DTNA: variants seen among roughly 807,000 people sequenced by gnomAD.
DTNA encodes dystrophin-related protein 3.
Under a neutral mutation model 100.7 loss-of-function variants are expected in DTNA, and 43 were observed. The observed-to-expected ratio is 0.43, with a 90% confidence interval of 0.33 to 0.55. DTNA has a LOEUF of 0.55. Ranked by LOEUF, DTNA falls within the 20% of genes least tolerant of loss-of-function variation. The probability of loss-of-function intolerance (pLI) is 0.04; values close to 1 mark genes in which losing one functional copy is unlikely to be tolerated. For missense variants in DTNA, 798 were observed against 953.9 expected (o/e 0.84, Z 2.15); for synonymous variants, 349 against 347.9 (o/e 1.00, Z -0.04).
chr18:34,606,141 AAAATACTGAGT>A (rs2053047397), intron 1 of DTNA, among the ~76,000 whole-genome samples: 1 of 152,158 alleles, frequency 6.6e-6, no homozygotes, highest in Non-Finnish European at 1.5e-5. Context: ...GTGGAGGGGA[AAAATACTGAGT>A]AAATAACTGG....
At chr18:34,835,807 C>T (rs560482387) in intron 11 of DTNA, among the ~76,000 whole-genome samples, 8 of 152,332 alleles carry the variant, frequency 5.3e-5, no homozygotes, top group African/African-American at 1.4e-4. Flanking sequence ...TGTTTCTTTT[C>T]TCTACTGATT....
intron 15 of DTNA, among the ~76,000 whole-genome samples, chr18:34,857,305 T>A (rs951535131): frequency 6.6e-6 from 1 of 152,202 alleles, no homozygotes; most frequent in Non-Finnish European, 1.5e-5. Context: ...CAGGCAGTTT[T>A]AAATCAGCCC....
At chr18:34,609,601 T>G (rs1307280833) in intron 1 of DTNA, among the ~76,000 whole-genome samples, 1 of 152,204 alleles carries the variant, frequency 6.6e-6, no homozygotes, top group Non-Finnish European at 1.5e-5. Flanking sequence ...GATCCAGTTT[T>G]GGGTGCCTGA....
intron 1 of DTNA, among the ~76,000 whole-genome samples, chr18:34,661,718 C>T (rs1374663428): frequency 2.6e-5 from 4 of 152,052 alleles, no homozygotes; most frequent in Non-Finnish European, 5.9e-5. Context: ...TCCACTGTTC[C>T]CACCCTCTTT....
chr18:34,596,611 C>A (rs2147063850), intron 1 of DTNA, among the ~76,000 whole-genome samples: 1 of 152,322 alleles, frequency 6.6e-6, no homozygotes, highest in East Asian at 1.9e-4. Flanking sequence ...CAGATTCTCT[C>A]ATTACTGTTA....
rs114631141 is a variant in DTNA, at chr18:34,890,257, A to G, written c.*2523A>G. 2,168 of 1,520,562 alleles carry G rather than the reference A, an allele frequency of 1.4e-3. 23 individuals are homozygous for G. In the African/African-American group the frequency reaches 0.025, roughly 17 times the overall value. 94.2% of individuals were successfully genotyped at this position (1,520,562 alleles called of 1,614,324 possible). ...GCAAGGACTCTGGAAACTGCCGCCA[A>G]TGACCAATTTCTGACTAACCAGCCA... On this transcript the variant is annotated 3_prime_UTR_variant, in exon 23 of 23. Transcript: ENST00000444659.
chr18:34,506,404 C>T (rs566115559), intron 1 of DTNA, among the ~76,000 whole-genome samples: 1 of 152,230 alleles, frequency 6.6e-6, no homozygotes, highest in African/African-American at 2.4e-5. Flanking sequence ...TTTACTTGGC[C>T]TTCTATGACA....
chr18:34,623,257 C>T (rs1281039717), intron 1 of DTNA, among the ~76,000 whole-genome samples: 3 of 152,050 alleles, frequency 2.0e-5, no homozygotes, highest in Non-Finnish European at 2.9e-5. Flanking sequence ...AATATCTGAG[C>T]CTTGAGCAAG....
At chr18:34,667,148 A>G (rs2076052050) in intron 1 of DTNA, among the ~76,000 whole-genome samples, 1 of 152,158 alleles carries the variant, frequency 6.6e-6, no homozygotes, top group Admixed American at 6.5e-5. Flanking sequence ...CATCCCTTGT[A>G]AGATGGATTC....
intron 1 of DTNA, among the ~76,000 whole-genome samples, chr18:34,616,628 A>T (rs991424950): frequency 6.6e-6 from 1 of 152,152 alleles, no homozygotes; most frequent in Non-Finnish European, 1.5e-5. Context: ...TTCTGGTTCC[A>T]TATGAATTTT....
intron 1 of DTNA, among the ~76,000 whole-genome samples, chr18:34,712,372 ATAGT>A (rs1367790497): frequency 6.6e-6 from 1 of 152,026 alleles, no homozygotes; most frequent in Non-Finnish European, 1.5e-5. Flanking sequence ...TAAAGTATAG[ATAGT>A]TCCTTTCTAT....
At position 34,891,721 on chromosome 18, in the gene DTNA, G is replaced by C. The variant is rs1429902942; in HGVS notation, c.*3987G>C. ...ATATTTCATGTTTGTATCACACACT[G>C]TTCTTAACACTTTATGTGACTTCAC... On this transcript the variant is annotated 3_prime_UTR_variant, in exon 23 of 23. Coordinates refer to ENST00000444659, the MANE Select transcript of DTNA (RefSeq NM_001386795.1). 6.6e-6 allele frequency: 1 copy of C among 152,216 alleles called. No homozygotes were observed. Among genetic ancestry groups the C allele is most frequent in the Non-Finnish European group, 1.5e-5 (1 of 68,038 alleles). 9.4% of individuals were successfully genotyped at this position (152,216 alleles called of 1,614,324 possible). A position where few individuals can be genotyped will look rare whatever the true frequency, so the allele number is the denominator to read the frequency against.
At chr18:34,849,434 G>C (rs753973071) in intron 14 of DTNA, among the ~76,000 whole-genome samples, 15 of 152,148 alleles carry the variant, frequency 9.9e-5, no homozygotes, top group Non-Finnish European at 5.9e-5. Context: ...AGCAATGTGT[G>C]TCCCAGCTCT....
At chr18:34,866,297 T>C in intron 17 of DTNA, 2 of 1,506,384 alleles carry the variant, frequency 1.3e-6, no homozygotes, top group Non-Finnish European at 1.8e-6. Flanking sequence ...AATTGAGATA[T>C]ATAAATTTAG....
intron 1 of DTNA, among the ~76,000 whole-genome samples, chr18:34,548,558 G>C (rs1437267409): frequency 3.3e-5 from 5 of 152,060 alleles, no homozygotes; most frequent in African/African-American, 1.2e-4. Context: ...GATTAAAAAG[G>C]CATGTGCTTT....
chr18:34,863,566 C>A (rs2096656907), intron 16 of DTNA, among the ~76,000 whole-genome samples: 1 of 152,132 alleles, frequency 6.6e-6, no homozygotes, highest in African/African-American at 2.4e-5. Context: ...TGTGAATTTG[C>A]AAAAGGGTTC....
chr18:34,623,311 C>G (rs1251866081), intron 1 of DTNA, among the ~76,000 whole-genome samples: 7 of 152,198 alleles, frequency 4.6e-5, no homozygotes, highest in Non-Finnish European at 1.5e-5. Context: ...TACTGAGAGG[C>G]TGTAATAAAC....
Position 34,890,149 on chromosome 18 carries a change from T to G in DTNA, c.*2415T>G, listed in dbSNP as rs2096956821. 1 of 1,436,110 alleles carries G rather than the reference T, an allele frequency of 7.0e-7. No individual in the cohort carries two copies. Among genetic ancestry groups the G allele is most frequent in the Non-Finnish European group, 9.1e-7 (1 of 1,101,362 alleles). 89.0% of individuals were successfully genotyped at this position (1,436,110 alleles called of 1,614,324 possible). ...TCGTCTAAGATTTGAACTGTTCTGCTGATAACCTTCCCCGTTGTCATAGCT... is the reference window on the plus strand; with the variant it reads ...TCGTCTAAGATTTGAACTGTTCTGCGGATAACCTTCCCCGTTGTCATAGCT... On this transcript the variant is annotated 3_prime_UTR_variant, in exon 23 of 23. Coordinates refer to ENST00000444659, the MANE Select transcript of DTNA (RefSeq NM_001386795.1).
chr18:34,812,615 C>T (rs1441146945), intron 6 of DTNA, among the ~76,000 whole-genome samples: 1 of 152,104 alleles, frequency 6.6e-6, no homozygotes, highest in Admixed American at 6.6e-5. Context: ...TGAGAACTCC[C>T]TCACTATCAT....
Sources: allele counts gnomAD v4.1 joint callset (sites outside exome capture counted in the v4.1 genomes callset), GRCh38; gene constraint gnomAD v4.1.1; transcripts MANE v1.5; gene names NCBI Gene and HGNC (gene_info 2026-07-23, HGNC 2026-07-21).